The following TRPM7 variants were observed in gnomAD, a reference collection of about 807,000 sequenced individuals.
The protein encoded by TRPM7 is transient receptor potential cation channel subfamily M member 7.
A neutral mutation model predicts 229.7 loss-of-function variants in TRPM7; 134 were observed. That is an observed-to-expected ratio of 0.58 (90% confidence interval 0.51 to 0.67). The LOEUF is 0.67. Ranked by LOEUF, TRPM7 falls within the 30% of genes least tolerant of loss-of-function variation. The probability of loss-of-function intolerance (pLI) is 0.00; values close to 1 mark genes in which losing one functional copy is unlikely to be tolerated. For synonymous variants in TRPM7, 699 were observed against 715.2 expected, an observed-to-expected ratio of 0.98 and a Z score of 0.36; for missense variants, 1,901 against 2,210.0, an observed-to-expected ratio of 0.86 and a Z score of 2.80.
Position 50,625,420 on chromosome 15 carries a change from A to G in TRPM7, c.1306-1120T>C, listed in dbSNP as rs961783518. On this transcript the variant is annotated intron_variant, in intron 11 of 38. Transcript: ENST00000646667. ...ATATAGTCTTCATGATATTTTAAGT[A>G]TATACTTTCTGTTTTTTTGAGACGG... 3.3e-5 allele frequency among the ~76,000 whole-genome samples: 5 copies of G among 152,028 alleles called. No homozygotes were observed. In the East Asian group the frequency reaches 9.6e-4, roughly 29 times the overall value.
chr15:50,564,981 A>AT (rs2053529252), intron 38 of TRPM7, among the ~76,000 whole-genome samples: 3 of 151,974 alleles, frequency 2.0e-5, no homozygotes, highest in African/African-American at 7.3e-5. Flanking sequence ...CTAGAAAATG[A>AT]AGGATCTGGG....
chr15:50,650,198 A>T (rs2061383464), intron 3 of TRPM7, among the ~76,000 whole-genome samples: 1 of 47,702 alleles, frequency 2.1e-5, no homozygotes, highest in Admixed American at 3.0e-4. Context: ...GTCTCAAAAA[A>T]AAAAAAAAAA....
intron 1 of TRPM7, among the ~76,000 whole-genome samples, chr15:50,684,820 TGAAA>T (rs1276312304): frequency 2.6e-5 from 4 of 152,186 alleles, no homozygotes; most frequent in Admixed American, 6.5e-5. Context: ...TACTAGAGAC[TGAAA>T]GAGTTACCGA....
intron 38 of TRPM7, among the ~76,000 whole-genome samples, chr15:50,564,248 A>AAAAAT (rs58216853): frequency 0.048 from 5,974 of 124,546 alleles, 375 homozygotes; most frequent in African/African-American, 0.12. Flanking sequence ...GACTGTCTCA[A>AAAAAT]AAAATAAAAT....
At chr15:50,602,734 C>T (rs920772996) in intron 21 of TRPM7, among the ~76,000 whole-genome samples, 6 of 151,952 alleles carry the variant, frequency 3.9e-5, no homozygotes, top group East Asian at 3.8e-4. Flanking sequence ...TACACAATGA[C>T]GAAATAATGA....
chr15:50,566,023 C>A (rs2053582865), intron 38 of TRPM7, among the ~76,000 whole-genome samples: 1 of 151,934 alleles, frequency 6.6e-6, no homozygotes, highest in African/African-American at 2.4e-5. Context: ...TGGGGTTTCA[C>A]TATGTTGGCC....
intron 38 of TRPM7, among the ~76,000 whole-genome samples, chr15:50,565,855 G>A (rs1296501013): frequency 5.4e-5 from 8 of 149,028 alleles, no homozygotes; most frequent in Admixed American, 5.4e-4. Flanking sequence ...ACGGAGTCTT[G>A]CTCTGTCGCC....
chr15:50,588,705 T>C (rs1012818196), intron 27 of TRPM7, among the ~76,000 whole-genome samples: 4 of 152,352 alleles, frequency 2.6e-5, no homozygotes, highest in Non-Finnish European at 5.9e-5. Context: ...CTAGGTGTTT[T>C]TAATTATCTT....
At chr15:50,631,381 A>G in intron 10 of TRPM7, 36 bp downstream of exon 10, 1 of 1,334,882 alleles carries the variant, frequency 7.5e-7, no homozygotes, top group Non-Finnish European at 1.1e-6. Flanking sequence ...CATAAAATAA[A>G]AGGTCTTACA....
chr15:50,613,627 T>G (rs2060127264), intron 15 of TRPM7, 80 bp downstream of exon 15: 1 of 1,259,336 alleles, frequency 7.9e-7, no homozygotes, highest in South Asian at 2.2e-5. Context: ...AATCAATTAG[T>G]TTTTTTTGTT....
chr15:50,575,264 CA>C (rs1275703464), intron 33 of TRPM7, 129 bp from the exon 34 acceptor site: 2 of 705,572 alleles, frequency 2.8e-6, no homozygotes, highest in Non-Finnish European at 4.4e-6. Context: ...TAGTTTTATA[CA>C]AAGAAATTTA....
At chr15:50,604,564 C>A (rs2059871065) in intron 21 of TRPM7, 2 of 163,230 alleles carry the variant, frequency 1.2e-5, no homozygotes, top group African/African-American at 5.3e-5. Flanking sequence ...GAGCGAAACT[C>A]TGTCTCAAAA....
At chr15:50,647,775 G>A (rs904651064) in intron 4 of TRPM7, among the ~76,000 whole-genome samples, 4 of 151,936 alleles carry the variant, frequency 2.6e-5, no homozygotes, top group Admixed American at 6.6e-5. Context: ...ACATATAGTA[G>A]GCCTTCTGTA....
chr15:50,610,987 C>A (rs918202434), intron 17 of TRPM7, 106 bp downstream of exon 17: 139 of 831,392 alleles, frequency 1.7e-4, no homozygotes, highest in East Asian at 4.5e-4. Context: ...CTTTACCCCC[C>A]ACCATTACAC....
At chr15:50,575,491 T>A (rs1281088894) in intron 33 of TRPM7, among the ~76,000 whole-genome samples, 1 of 152,198 alleles carries the variant, frequency 6.6e-6, no homozygotes, top group African/African-American at 2.4e-5. Context: ...AAGAACTTTT[T>A]AGAATTAGAA....
chr15:50,571,208 A>C (rs902611469), intron 36 of TRPM7, among the ~76,000 whole-genome samples: 1 of 152,378 alleles, frequency 6.6e-6, no homozygotes, highest in East Asian at 1.9e-4. Context: ...ATCCAACAGA[A>C]TGGCAAACAT....
intron 9 of TRPM7, among the ~76,000 whole-genome samples, chr15:50,631,705 T>C (rs1477654449): frequency 3.3e-5 from 5 of 152,058 alleles, no homozygotes. Flanking sequence ...TTTTAAAAAC[T>C]TTATCATTTA....
At chr15:50,568,180 A>T (rs1453369434) in intron 38 of TRPM7, among the ~76,000 whole-genome samples, 3 of 151,650 alleles carry the variant, frequency 2.0e-5, no homozygotes, top group African/African-American at 7.3e-5. Context: ...GCATCTACAA[A>T]ATCCTTAAAG....
intron 27 of TRPM7, among the ~76,000 whole-genome samples, chr15:50,587,539 G>A (rs978185505): frequency 1.3e-5 from 2 of 149,902 alleles, no homozygotes; most frequent in African/African-American, 4.9e-5. Context: ...AGGAGTACCT[G>A]CCACTTAAAA....
Sources: gnomAD v4.1 joint callset for allele counts (sites outside exome capture counted in the v4.1 genomes callset) on GRCh38, gnomAD v4.1.1 for gene constraint, MANE v1.5 for transcripts, NCBI Gene and HGNC (gene_info 2026-07-23, HGNC 2026-07-21) for gene names.